Variants in CHSY3 observed in about 807,000 individuals in gnomAD.
CHSY3 encodes N-acetylgalactosaminyl-proteoglycan 3-beta-glucuronosyltransferase 3.
CHSY3 carries 35 observed loss-of-function variants against 67.2 expected under a neutral mutation model. That is an observed-to-expected ratio of 0.52 (90% confidence interval 0.40 to 0.69). The LOEUF (loss-of-function observed/expected upper bound fraction) is 0.69. Among genes scored for constraint, CHSY3 ranks in the 30% least tolerant of loss-of-function variants. CHSY3 has a pLI of 0.00. For missense variants in CHSY3, 1,069 were observed against 1,138.5 expected, an observed-to-expected ratio of 0.94 and a Z score of 0.88; for synonymous variants, 474 against 434.7, an observed-to-expected ratio of 1.09 and a Z score of -1.12.
chr5:130,153,455 C>T (rs1013901350), intron 2 of CHSY3, among the ~76,000 whole-genome samples: 9 of 152,166 alleles, frequency 5.9e-5, no homozygotes, highest in African/African-American at 1.7e-4. Flanking sequence ...ATCTTACCTG[C>T]TTATAAATAC....
intron 2 of CHSY3, among the ~76,000 whole-genome samples, chr5:130,002,397 G>A (rs1475465123): frequency 2.0e-5 from 3 of 152,084 alleles, no homozygotes; most frequent in African/African-American, 7.2e-5. Flanking sequence ...TTCTGGATGT[G>A]CCCCAGTTGC....
intron 2 of CHSY3, among the ~76,000 whole-genome samples, chr5:130,079,020 T>C (rs1766364004): frequency 6.6e-6 from 1 of 152,172 alleles, no homozygotes; most frequent in Non-Finnish European, 1.5e-5. Context: ...AAGGTTATTA[T>C]GAGGATTGAT....
chr5:130,135,199 C>T (rs745844554), intron 2 of CHSY3, among the ~76,000 whole-genome samples: 5 of 151,432 alleles, frequency 3.3e-5, no homozygotes, highest in Non-Finnish European at 4.4e-5. Context: ...TACATACATA[C>T]ATATATGTAT....
chr5:130,079,608 G>C lies in CHSY3; in HGVS notation c.1087-104621G>C, dbSNP rs552308365. On this transcript the variant is annotated intron_variant, in intron 2 of 2. Transcript: ENST00000305031. ...GAATCACAGTTAAGAACACAGAGAG[G>C]GGTCTTACAGACTGGGTTCAGGTAC... is the stretch of plus-strand genomic sequence containing the variant. Among the ~76,000 whole-genome samples the C allele has an allele frequency of 3.3e-5, 5 of 152,092 alleles. No individual in the cohort carries two copies. The South Asian group carries it at 1.0e-3, about 32-fold the overall frequency.
At chr5:130,129,319 G>A (rs1446823496) in intron 2 of CHSY3, among the ~76,000 whole-genome samples, 1 of 152,112 alleles carries the variant, frequency 6.6e-6, no homozygotes, top group Non-Finnish European at 1.5e-5. Flanking sequence ...CTCTACTCAT[G>A]ATGTGCCATG....
At chr5:130,004,018 A>G (rs1238829907) in intron 2 of CHSY3, among the ~76,000 whole-genome samples, 1 of 152,182 alleles carries the variant, frequency 6.6e-6, no homozygotes, top group Non-Finnish European at 1.5e-5. Flanking sequence ...TGAGAACTTT[A>G]TTTATTTAAA....
At chr5:130,145,578 C>G (rs988526180) in intron 2 of CHSY3, among the ~76,000 whole-genome samples, 1 of 152,044 alleles carries the variant, frequency 6.6e-6, no homozygotes, top group Admixed American at 6.6e-5. Flanking sequence ...AATGTGCAGG[C>G]AGCAAAAACA....
intron 2 of CHSY3, chr5:130,001,550 A>T (rs1251405584): frequency 1.1e-6 from 1 of 892,566 alleles, no homozygotes; most frequent in East Asian, 1.2e-4. Context: ...CCCCATGGAG[A>T]GTCCCTCCTG....
Position 129,908,367 on chromosome 5 carries a change from A to G in CHSY3, c.1086+7A>G. On this transcript the variant is annotated splice_region_variant and intron_variant, in intron 2 of 2. Coordinates refer to ENST00000305031, the MANE Select transcript of CHSY3 (RefSeq NM_175856.5). Reference sequence around the variant, plus strand: ...GTGTGTCTGGTCTTACGAGGTAAGCATGGAGCTGTGATGAAAATGTTCACA... The same window carrying G: ...GTGTGTCTGGTCTTACGAGGTAAGCGTGGAGCTGTGATGAAAATGTTCACA... The G allele has an allele frequency of 3.1e-6, 5 of 1,613,138 alleles. No individual in the cohort carries two copies. Among genetic ancestry groups the G allele is most frequent in the Non-Finnish European group, 4.2e-6 (5 of 1,179,194 alleles).
At chr5:130,066,285 G>T (rs1340013285) in intron 2 of CHSY3, among the ~76,000 whole-genome samples, 1 of 151,976 alleles carries the variant, frequency 6.6e-6, no homozygotes, top group Non-Finnish European at 1.5e-5. Context: ...AGAACACTCT[G>T]GGGATAATAT....
chr5:130,136,509 A>C (rs986881959), intron 2 of CHSY3, among the ~76,000 whole-genome samples: 5 of 151,692 alleles, frequency 3.3e-5, no homozygotes, highest in Non-Finnish European at 7.4e-5. Flanking sequence ...GAGTGGTCCC[A>C]TTTCAAAAGC....
chr5:129,908,276 A>G lies in CHSY3; in HGVS notation c.1002A>G (p.Arg334=). The G allele has an allele frequency of 6.2e-7, 1 of 1,614,146 alleles. No homozygotes were observed. Among genetic ancestry groups the G allele is most frequent in the South Asian group, 1.1e-5 (1 of 91,084 alleles). Reference sequence around the variant, plus strand: ...TGCCACATATTGGTGAATGCCTTAGAGAAATGTACACGACTCATGAGGATG... The same window carrying G: ...TGCCACATATTGGTGAATGCCTTAGGGAAATGTACACGACTCATGAGGATG... ...RMVPHIGECL[R]EMYTTHEDVE... is the part of the protein sequence containing the mutation. The change falls in exon 2 of 3, where the codon AGA becomes AGG. Residue 334 remains arginine, a synonymous_variant. Coordinates refer to ENST00000305031, the MANE Select transcript of CHSY3 (RefSeq NM_175856.5).
chr5:129,987,637 T>A (rs1307318617), intron 2 of CHSY3, among the ~76,000 whole-genome samples: 1 of 152,174 alleles, frequency 6.6e-6, no homozygotes, highest in East Asian at 1.9e-4. Flanking sequence ...TGTAGGTTGG[T>A]TTTAGTTCCC....
At chr5:129,920,545 A>G (rs1192430206) in intron 2 of CHSY3, among the ~76,000 whole-genome samples, 1 of 152,166 alleles carries the variant, frequency 6.6e-6, no homozygotes, top group Non-Finnish European at 1.5e-5. Flanking sequence ...TGCCCAGCCA[A>G]GGAATTGGTT....
chr5:129,905,784 A>G (rs1187254967), intron 1 of CHSY3, 153 bp downstream of exon 1: 5 of 1,343,894 alleles, frequency 3.7e-6, no homozygotes, highest in Non-Finnish European at 4.8e-6. Flanking sequence ...CACCCCTTGC[A>G]TCCGCCCACA....
At chr5:130,111,169 G>A (rs1580742617) in intron 2 of CHSY3, among the ~76,000 whole-genome samples, 3 of 152,064 alleles carry the variant, frequency 2.0e-5, no homozygotes, top group Non-Finnish European at 2.9e-5. Flanking sequence ...CTTCAAATCT[G>A]TGTTTCAGTC....
intron 2 of CHSY3, among the ~76,000 whole-genome samples, chr5:130,017,384 C>T (rs1764246280): frequency 6.6e-6 from 1 of 152,086 alleles, no homozygotes; most frequent in Non-Finnish European, 1.5e-5. Flanking sequence ...CCCAGGCTTT[C>T]TCAAATCTTC....
At chr5:129,924,433 A>G (rs1048860374) in intron 2 of CHSY3, among the ~76,000 whole-genome samples, 1 of 151,968 alleles carries the variant, frequency 6.6e-6, no homozygotes, top group African/African-American at 2.4e-5. Flanking sequence ...GGATCACGAG[A>G]TCAAGAGACC....
chr5:129,961,977 A>C (rs768288430), intron 2 of CHSY3, among the ~76,000 whole-genome samples: 1 of 151,996 alleles, frequency 6.6e-6, no homozygotes, highest in Non-Finnish European at 1.5e-5. Flanking sequence ...CCAGGAAACT[A>C]TCCATACCTG....
Sources: gnomAD v4.1 joint callset for allele counts (sites outside exome capture counted in the v4.1 genomes callset) on GRCh38, gnomAD v4.1.1 for gene constraint, MANE v1.5 for transcripts, NCBI Gene and HGNC (gene_info 2026-07-23, HGNC 2026-07-21) for gene names.